The following SPSB4 variants were observed in gnomAD, a reference collection of about 807,000 sequenced individuals.
SPSB4 encodes splA/ryanodine receptor domain and SOCS box containing 4, also known as SPRY domain-containing SOCS box protein 4.
SPSB4 carries 21 observed loss-of-function variants against 20.9 expected under a neutral mutation model. The observed-to-expected ratio is 1.01, with a 90% confidence interval of 0.71 to 1.45. SPSB4 has a LOEUF of 1.45. SPSB4 is among the 40% of genes most tolerant of loss of function. The pLI, the probability that SPSB4 is intolerant of heterozygous loss-of-function variation, is 0.00. For synonymous variants in SPSB4, 207 were observed against 183.8 expected (o/e 1.13, Z -1.02); for missense variants, 399 against 399.2 (o/e 1.00, Z 0.00).
At chr3:141,134,030 C>CTTTT (rs1207127072) in intron 2 of SPSB4, among the ~76,000 whole-genome samples, 3 of 37,744 alleles carry the variant, frequency 7.9e-5, no homozygotes, top group Admixed American at 2.5e-4. Context: ...TTTTTTTTTT[C>CTTTT]TTTTCTTTTT....
intron 2 of SPSB4, chr3:141,123,962 TA>T (rs969349408): frequency 6.6e-6 from 1 of 152,292 alleles, no homozygotes; most frequent in African/African-American, 2.4e-5. Context: ...GAGTATCCTC[TA>T]CCAGACCAAG....
chr3:141,101,744 C>G (rs73234864), intron 2 of SPSB4, among the ~76,000 whole-genome samples: 216 of 152,206 alleles, frequency 1.4e-3, no homozygotes, highest in Middle Eastern at 6.8e-3. Context: ...ATGTTTTTAC[C>G]TTCCCTTAAG....
At chr3:141,087,593 G>A (rs1316039129) in intron 2 of SPSB4, among the ~76,000 whole-genome samples, 1 of 152,188 alleles carries the variant, frequency 6.6e-6, no homozygotes, top group Non-Finnish European at 1.5e-5. Flanking sequence ...ATAGTCCTGG[G>A]AAGTGTGTGT....
At chr3:141,081,284 T>C (rs1191476199) in intron 2 of SPSB4, among the ~76,000 whole-genome samples, 1 of 152,188 alleles carries the variant, frequency 6.6e-6, no homozygotes, top group South Asian at 2.1e-4. Flanking sequence ...GGCTGCCCTA[T>C]TGGATGAGCC....
chr3:141,076,079 A>T (rs1938103558), intron 2 of SPSB4, among the ~76,000 whole-genome samples: 1 of 141,164 alleles, frequency 7.1e-6, no homozygotes, highest in Non-Finnish European at 1.5e-5. Context: ...AAAATAAATA[A>T]GATAAAATAA....
intron 2 of SPSB4, among the ~76,000 whole-genome samples, chr3:141,091,064 G>C (rs1175638226): frequency 6.6e-6 from 1 of 152,352 alleles, no homozygotes; most frequent in Non-Finnish European, 1.5e-5. Flanking sequence ...CAAGACTGTG[G>C]GTTGGGGAGT....
chr3:141,141,517 TTG>T (rs1045414211), intron 2 of SPSB4, among the ~76,000 whole-genome samples: 8 of 152,198 alleles, frequency 5.3e-5, no homozygotes, highest in African/African-American at 1.9e-4. Context: ...TGCTATTGGG[TTG>T]TGTCTGCACC....
intron 2 of SPSB4, among the ~76,000 whole-genome samples, chr3:141,134,514 G>A (rs562621210): frequency 3.0e-4 from 46 of 151,978 alleles, no homozygotes; most frequent in African/African-American, 9.2e-4. Flanking sequence ...TTTTGCTGAG[G>A]CTTTTAATCA....
chr3:141,109,889 T>A (rs1363631369), intron 2 of SPSB4, among the ~76,000 whole-genome samples: 2 of 152,164 alleles, frequency 1.3e-5, no homozygotes, highest in African/African-American at 4.8e-5. Flanking sequence ...CAGGTGCTAT[T>A]TATAGCTCCT....
chr3:141,072,941 T>C (rs954938833), intron 2 of SPSB4, among the ~76,000 whole-genome samples: 11 of 152,356 alleles, frequency 7.2e-5, no homozygotes, highest in African/African-American at 2.6e-4. Flanking sequence ...CAATGGACCT[T>C]GGCAGTTATC....
In SPSB4 at chr3:141,051,658, G is replaced by T. The variant is rs959162402; in HGVS notation, c.-488G>T. On this transcript the variant is annotated 5_prime_UTR_variant, in exon 1 of 3. Coordinates refer to ENST00000310546, the MANE Select transcript of SPSB4 (RefSeq NM_080862.3). Reference sequence around the variant, plus strand: ...GGACTCGTCGCCCTCCGGGTCAGGCGCCAAGCTTCCAAGCGGCTAGAGCGC... The same window carrying T: ...GGACTCGTCGCCCTCCGGGTCAGGCTCCAAGCTTCCAAGCGGCTAGAGCGC... 1 of 151,962 alleles carries T rather than the reference G, an allele frequency of 6.6e-6. No homozygotes were observed. Among genetic ancestry groups the T allele is most frequent in the Admixed American group, 6.5e-5 (1 of 15,278 alleles). 9.4% of individuals were successfully genotyped at this position (151,962 alleles called of 1,614,324 possible).
intron 2 of SPSB4, among the ~76,000 whole-genome samples, chr3:141,131,542 C>T (rs1576541504): frequency 6.6e-6 from 1 of 151,898 alleles, no homozygotes; most frequent in African/African-American, 2.4e-5. Flanking sequence ...TTAAGGTCAC[C>T]TCTGCCCTAA....
chr3:141,138,091 G>A (rs1485677650), intron 2 of SPSB4, among the ~76,000 whole-genome samples: 20 of 152,218 alleles, frequency 1.3e-4, no homozygotes, highest in Middle Eastern at 6.8e-3. Flanking sequence ...GAATTTATCC[G>A]TTTCTTCTAG....
chr3:141,089,174 T>C (rs1165002594), intron 2 of SPSB4, among the ~76,000 whole-genome samples: 2 of 152,164 alleles, frequency 1.3e-5, no homozygotes, highest in African/African-American at 4.8e-5. Flanking sequence ...CTACTGGTCC[T>C]TAAGGAAGGG....
chr3:141,080,418 A>G (rs1434008500), intron 2 of SPSB4: 1 of 152,286 alleles, frequency 6.6e-6, no homozygotes, highest in African/African-American at 2.4e-5. Context: ...GGTAAGTCTC[A>G]ACTCTGTCCT....
intron 2 of SPSB4, among the ~76,000 whole-genome samples, chr3:141,101,217 A>G (rs1045435631): frequency 1.3e-5 from 2 of 152,186 alleles, no homozygotes; most frequent in African/African-American, 4.8e-5. Context: ...GGACACTGCC[A>G]CAGCTCTCAC....
intron 2 of SPSB4, among the ~76,000 whole-genome samples, chr3:141,114,717 A>C (rs1185452734): frequency 6.6e-6 from 1 of 152,220 alleles, no homozygotes; most frequent in Non-Finnish European, 1.5e-5. Flanking sequence ...TATCTGAACT[A>C]AGGTATTTTT....
chr3:141,120,223 G>A (rs1938945541), intron 2 of SPSB4, among the ~76,000 whole-genome samples: 1 of 152,192 alleles, frequency 6.6e-6, no homozygotes, highest in Admixed American at 6.5e-5. Flanking sequence ...TAGTTTTGGG[G>A]TTTTGAGTGA....
chr3:141,070,929 G>A (rs531391703), intron 2 of SPSB4, among the ~76,000 whole-genome samples: 2 of 152,228 alleles, frequency 1.3e-5, no homozygotes, highest in African/African-American at 4.8e-5. Context: ...GCTGGTGACC[G>A]TGCAGCCCAG....
Sources: allele counts gnomAD v4.1 joint callset (sites outside exome capture counted in the v4.1 genomes callset), GRCh38; gene constraint gnomAD v4.1.1; transcripts MANE v1.5; gene names NCBI Gene and HGNC (gene_info 2026-07-23, HGNC 2026-07-21).